CSMD3: variants seen among roughly 807,000 people sequenced by gnomAD.
CSMD3 encodes the protein CUB and Sushi multiple domains 3, also known as CUB and sushi domain-containing protein 3.
A neutral mutation model predicts 435.2 loss-of-function variants in CSMD3; 177 were observed. That is an observed-to-expected ratio of 0.41 (90% CI 0.36 to 0.46). The LOEUF is 0.46. CSMD3 is among the 20% of genes least tolerant of loss of function. The pLI is 0.34. For missense variants in CSMD3, 4,265 were observed against 4,504.6 expected, an observed-to-expected ratio of 0.95 and a Z score of 1.52; for synonymous variants, 1,656 against 1,520.5, an observed-to-expected ratio of 1.09 and a Z score of -2.07.
Position 112,633,116 on chromosome 8 carries a change from T to C in CSMD3, c.3715+3701A>G, listed in dbSNP as rs138303261. On this transcript the variant is annotated intron_variant, in intron 22 of 70. Coordinates refer to ENST00000297405, the MANE Select transcript of CSMD3 (RefSeq NM_198123.2). ...TATCTACTAATAGTGTAATAAAACT[T>C]TTCCTGTTATACTCTTAATTTCTGT... 4.6e-3 allele frequency among the ~76,000 whole-genome samples: 707 copies of C among 152,146 alleles called. 3 individuals are homozygous for C. The highest frequency in any genetic ancestry group is 0.016 in the African/African-American group (661 of 41,562).
chr8:112,880,588 T>C (rs1471392856), intron 10 of CSMD3, among the ~76,000 whole-genome samples: 1 of 151,994 alleles, frequency 6.6e-6, no homozygotes, highest in Non-Finnish European at 1.5e-5. Context: ...GCACATTGAA[T>C]ACAGAAAAAC....
intron 5 of CSMD3, among the ~76,000 whole-genome samples, chr8:113,057,227 C>CTTATT (rs2088381832): frequency 6.6e-6 from 1 of 152,024 alleles, no homozygotes; most frequent in African/African-American, 2.4e-5. Flanking sequence ...AACTATTTTA[C>CTTATT]TTATTTATTT....
At chr8:112,418,734 G>A (rs1253290786) in intron 32 of CSMD3, among the ~76,000 whole-genome samples, 1 of 151,992 alleles carries the variant, frequency 6.6e-6, no homozygotes. Flanking sequence ...CAATGGACAA[G>A]TTTAGATAGA....
chr8:112,337,473 T>TA, intron 43 of CSMD3, 70 bp downstream of exon 43: 1 of 1,250,348 alleles, frequency 8.0e-7, no homozygotes, highest in Non-Finnish European at 1.2e-6. Flanking sequence ...GGAAGACAAG[T>TA]AAAAAGTGCC....
chr8:113,313,025 T>C (rs867502524), intron 2 of CSMD3: 2 of 152,216 alleles, frequency 1.3e-5, no homozygotes, highest in Non-Finnish European at 2.9e-5. Context: ...AACTCAGGCA[T>C]TTTTAAGTGT....
intron 13 of CSMD3, among the ~76,000 whole-genome samples, chr8:112,711,136 G>C (rs1158148800): frequency 6.6e-6 from 1 of 152,076 alleles, no homozygotes; most frequent in Admixed American, 6.6e-5. Flanking sequence ...TGATATAAGT[G>C]CTTACAAATG....
chr8:113,354,808 T>A (rs2132937844), intron 1 of CSMD3, among the ~76,000 whole-genome samples: 1 of 152,162 alleles, frequency 6.6e-6, no homozygotes, highest in South Asian at 2.1e-4. Flanking sequence ...CCCGACTATT[T>A]TTTTTTTCTT....
chr8:112,283,884 GA>G (rs1412881162), intron 58 of CSMD3, among the ~76,000 whole-genome samples: 1 of 151,760 alleles, frequency 6.6e-6, no homozygotes, highest in Non-Finnish European at 1.5e-5. Flanking sequence ...AAAATAGCTA[GA>G]AGTGAGGACC....
chr8:112,383,969 C>T (rs1165350739), intron 36 of CSMD3, among the ~76,000 whole-genome samples: 1 of 152,084 alleles, frequency 6.6e-6, no homozygotes. Context: ...TGACTCAGTG[C>T]CAGGAATCTC....
At position 113,406,440 on chromosome 8, in the gene CSMD3, G is replaced by A. The variant is rs565597540; in HGVS notation, c.178+30237C>T. Among the ~76,000 whole-genome samples, 7 of 151,980 alleles carry A rather than the reference G, an allele frequency of 4.6e-5. No homozygotes were observed. The South Asian group carries it at 1.5e-3, about 32-fold the overall frequency. On this transcript the variant is annotated intron_variant, in intron 1 of 70. Coordinates refer to ENST00000297405, the MANE Select transcript of CSMD3 (RefSeq NM_198123.2). ...GAGGCAGAGGCATAAACCCTTTGGT[G>A]CATGTGAAAAAAGAAGTAAGTTACT...
At chr8:112,379,117 T>C (rs1181721198) in intron 38 of CSMD3, among the ~76,000 whole-genome samples, 1 of 151,882 alleles carries the variant, frequency 6.6e-6, no homozygotes, top group Non-Finnish European at 1.5e-5. Context: ...GCATGAAAAA[T>C]AATAAAATAC....
intron 27 of CSMD3, among the ~76,000 whole-genome samples, chr8:112,532,486 T>C (rs1825635507): frequency 6.6e-6 from 1 of 152,004 alleles, no homozygotes; most frequent in Admixed American, 6.6e-5. Flanking sequence ...AAATAACATA[T>C]CAATGAGCTA....
chr8:112,438,889 C>A (rs1376421645), intron 32 of CSMD3, among the ~76,000 whole-genome samples: 1 of 152,122 alleles, frequency 6.6e-6, no homozygotes, highest in Non-Finnish European at 1.5e-5. Context: ...TATTAATACT[C>A]TTTCTGAATC....
At chr8:112,450,697 CT>C (rs1816160723) in intron 32 of CSMD3, among the ~76,000 whole-genome samples, 1 of 152,102 alleles carries the variant, frequency 6.6e-6, no homozygotes, top group Admixed American at 6.5e-5. Context: ...GTACAAAGTG[CT>C]TTGAATTTAT....
intron 47 of CSMD3, among the ~76,000 whole-genome samples, chr8:112,316,510 C>A (rs902110979): frequency 8.6e-5 from 13 of 151,586 alleles, no homozygotes; most frequent in African/African-American, 3.1e-4. Flanking sequence ...TACTACAATA[C>A]ACAAATTAAT....
chr8:112,428,891 T>G (rs1028020637), intron 32 of CSMD3, among the ~76,000 whole-genome samples: 66 of 151,334 alleles, frequency 4.4e-4, no homozygotes, highest in African/African-American at 1.4e-3. Flanking sequence ...TTTAGTTTTT[T>G]CTTTTTAATT....
At chr8:112,590,618 G>A (rs996482242) in intron 22 of CSMD3, among the ~76,000 whole-genome samples, 3 of 152,100 alleles carry the variant, frequency 2.0e-5, no homozygotes, top group African/African-American at 7.2e-5. Context: ...GTCATTAGGT[G>A]TGAGCTGCTT....
rs372999590 is a variant in CSMD3, at chr8:112,311,191, T to C, written c.7697-25A>G. ...GCTTTTCAAAAGAAAAAAAAAATGCTGTTTAATTAATGAATCAGAAGTTAT... is the reference window on the plus strand; with the variant it reads ...GCTTTTCAAAAGAAAAAAAAAATGCCGTTTAATTAATGAATCAGAAGTTAT... On this transcript the variant is annotated intron_variant, in intron 49 of 70. Transcript: ENST00000297405. 4.4e-6 allele frequency: 7 copies of C among 1,581,232 alleles called. No individual in the cohort carries two copies. The African/African-American group carries it at 9.4e-5, about 21-fold the overall frequency.
intron 1 of CSMD3, among the ~76,000 whole-genome samples, chr8:113,419,416 C>T (rs1192886511): frequency 1.3e-5 from 2 of 151,948 alleles, no homozygotes; most frequent in African/African-American, 4.8e-5. Flanking sequence ...CTGTGCCCGG[C>T]CTACACTTGT....
Sources: gnomAD v4.1 joint callset for allele counts (sites outside exome capture counted in the v4.1 genomes callset) on GRCh38, gnomAD v4.1.1 for gene constraint, MANE v1.5 for transcripts, NCBI Gene and HGNC (gene_info 2026-07-23, HGNC 2026-07-21) for gene names.